Variants in SMU1 observed in about 807,000 individuals in gnomAD.
SMU1 encodes the protein WD40 repeat-containing protein SMU1.
In SMU1, 2 loss-of-function variants were observed where a neutral mutation model predicts 62.0. The ratio of observed to expected loss-of-function variants is 0.03; its 90% CI spans 0.01 to 0.10. The LOEUF (loss-of-function observed/expected upper bound fraction) is 0.10. Ranked by LOEUF, SMU1 falls within the 10% of genes least tolerant of loss-of-function variation. The probability of loss-of-function intolerance (pLI) is 1.00; values close to 1 mark genes in which losing one functional copy is unlikely to be tolerated. For synonymous variants in SMU1, 188 were observed against 212.4 expected (o/e 0.89, Z 1.00); for missense variants, 227 against 622.1 (o/e 0.36, Z 6.76).
intron 2 of SMU1, among the ~76,000 whole-genome samples, chr9:33,072,988 G>A (rs1839504696): frequency 1.3e-5 from 2 of 152,238 alleles, no homozygotes; most frequent in South Asian, 4.2e-4. Flanking sequence ...GGAGCTTCTT[G>A]GAATTTGACC....
intron 7 of SMU1, among the ~76,000 whole-genome samples, 168 bp downstream of exon 7, chr9:33,057,430 C>A (rs1273746075): frequency 1.3e-5 from 2 of 152,108 alleles, no homozygotes; most frequent in Non-Finnish European, 2.9e-5. Context: ...TATTGGATCA[C>A]CCAGACAGAG....
rs1456299736 is a variant in SMU1, at chr9:33,045,578, C to CT, written c.*1714dup. ...TAAATTACAAGGCTGGGCGCAGTGG[C>CT]TCATGCCTGTAATCCCAGCACTTTG... On this transcript the variant is annotated 3_prime_UTR_variant, in exon 12 of 12. Transcript: ENST00000397149. 3 of 152,458 alleles carry CT rather than the reference C, an allele frequency of 2.0e-5. No homozygotes were observed. The highest frequency in any genetic ancestry group is 1.3e-4 in the Admixed American group (2 of 15,294). 9.4% of individuals were successfully genotyped at this position (152,458 alleles called of 1,614,324 possible). A position where few individuals can be genotyped will look rare whatever the true frequency, so the allele number is the denominator to read the frequency against.
chr9:33,074,049 T>C lies in SMU1; in HGVS notation c.27-243A>G, dbSNP rs1288834755. 2.0e-5 allele frequency among the ~76,000 whole-genome samples: 3 copies of C among 152,252 alleles called. No homozygotes were observed. In the East Asian group the frequency reaches 5.8e-4, roughly 29 times the overall value. On this transcript the variant is annotated intron_variant, in intron 1 of 11. Coordinates refer to ENST00000397149, the MANE Select transcript of SMU1 (RefSeq NM_018225.3). The stretch of plus-strand genomic sequence containing the variant: ...CTCAGTCAGCTAGAAAGGGAGTTGG[T>C]GTCAAGGTGACTATCTTATTTCCTA...
chr9:33,064,426 T>C (rs909886068), intron 4 of SMU1, among the ~76,000 whole-genome samples: 1 of 152,222 alleles, frequency 6.6e-6, no homozygotes, highest in African/African-American at 2.4e-5. Flanking sequence ...TCTGAAATTA[T>C]GCTACATAAA....
chr9:33,057,316 G>T (rs982997124), intron 7 of SMU1, among the ~76,000 whole-genome samples: 10 of 152,060 alleles, frequency 6.6e-5, no homozygotes, highest in African/African-American at 2.4e-4. Context: ...TAGTTATTTT[G>T]ATTTTTATAC....
At chr9:33,055,083 A>G (rs895902808) in intron 9 of SMU1, among the ~76,000 whole-genome samples, 1 of 152,212 alleles carries the variant, frequency 6.6e-6, no homozygotes, top group South Asian at 2.1e-4. Flanking sequence ...CCAAGGGAGC[A>G]TACATCTCCT....
rs548579025 is a variant in SMU1, at chr9:33,057,801, G to A, written c.751-87C>T. On this transcript the variant is annotated intron_variant, in intron 6 of 11. Transcript: ENST00000397149. Reference sequence around the variant, plus strand: ...AAACTCACAAAAACCAGGGGCAATGGATTGTACCTACTCTAAACCCCCAAA... The same window carrying A: ...AAACTCACAAAAACCAGGGGCAATGAATTGTACCTACTCTAAACCCCCAAA... 1.7e-5 allele frequency: 26 copies of A among 1,551,880 alleles called. No homozygotes were observed. The East Asian group carries it at 5.2e-4, about 31-fold the overall frequency.
intron 3 of SMU1, among the ~76,000 whole-genome samples, chr9:33,069,704 A>G (rs950191338): frequency 6.6e-6 from 1 of 152,210 alleles, no homozygotes; most frequent in East Asian, 1.9e-4. Flanking sequence ...CGGGAGGCTG[A>G]GGCAGGAGAA....
intron 4 of SMU1, among the ~76,000 whole-genome samples, chr9:33,067,289 C>T (rs1839431942): frequency 1.2e-5 from 1 of 84,530 alleles, no homozygotes; most frequent in Non-Finnish European, 2.2e-5. Flanking sequence ...AAGTTAGTTG[C>T]TAATGACCAA....
chr9:33,059,021 T>A (rs916812174), intron 6 of SMU1, among the ~76,000 whole-genome samples: 3 of 152,030 alleles, frequency 2.0e-5, no homozygotes, highest in Non-Finnish European at 2.9e-5. Context: ...TAAAAAAAAA[T>A]TTGTGGCTTT....
intron 10 of SMU1, among the ~76,000 whole-genome samples, chr9:33,052,181 TAG>T (rs1839258020): frequency 6.6e-6 from 1 of 152,094 alleles, no homozygotes; most frequent in Non-Finnish European, 1.5e-5. Context: ...AGATCTGTAA[TAG>T]AGTTAATAAC....
At chr9:33,052,082 A>C (rs1839256994) in intron 10 of SMU1, among the ~76,000 whole-genome samples, 1 of 152,108 alleles carries the variant, frequency 6.6e-6, no homozygotes, top group South Asian at 2.1e-4. Context: ...CTATACATGT[A>C]ATGAAACTTT....
chr9:33,066,393 C>T (rs1207639955), intron 4 of SMU1, among the ~76,000 whole-genome samples: 1 of 150,186 alleles, frequency 6.7e-6, no homozygotes, highest in African/African-American at 2.5e-5. Context: ...AGTACTCCCA[C>T]AAAATGAGGG....
At chr9:33,060,292 C>G (rs990136974) in intron 6 of SMU1, among the ~76,000 whole-genome samples, 173 bp downstream of exon 6, 31 of 152,162 alleles carry the variant, frequency 2.0e-4, no homozygotes, top group African/African-American at 7.2e-4. Flanking sequence ...TAGCTAGGAC[C>G]ACAGGTGTGC....
rs139467273 is a variant in SMU1, at chr9:33,065,332, C to T, written c.502-3155G>A. Among the ~76,000 whole-genome samples, 8 of 152,202 alleles carry T rather than the reference C, an allele frequency of 5.3e-5. No homozygotes were observed. In the East Asian group the frequency reaches 1.2e-3, roughly 22 times the overall value. On this transcript the variant is annotated intron_variant, in intron 4 of 11. Transcript: ENST00000397149. ...ACTCAAACCAGAAACTAAAGGGAAA[C>T]GAAACCTAGAACCAAAACCTCACTT...
At chr9:33,054,196 A>G (rs1031511625) in intron 9 of SMU1, among the ~76,000 whole-genome samples, 4 of 151,288 alleles carry the variant, frequency 2.6e-5, no homozygotes, top group Admixed American at 6.6e-5. Context: ...TTTTTTAAAG[A>G]GATGAGATCT....
chr9:33,073,583 C>A lies in SMU1; in HGVS notation c.237+13G>T. Reference sequence around the variant, plus strand: ...AACCAACCCATGGGGATCAGCATCACCACCACTCTTACCTGTTCATAGAGG... The same window carrying A: ...AACCAACCCATGGGGATCAGCATCAACACCACTCTTACCTGTTCATAGAGG... On this transcript the variant is annotated intron_variant, in intron 2 of 11. Transcript: ENST00000397149. The A allele has an allele frequency of 6.2e-7, 1 of 1,604,928 alleles. No homozygotes were observed. Among genetic ancestry groups the A allele is most frequent in the East Asian group, 2.2e-5 (1 of 44,814 alleles).
intron 5 of SMU1, 69 bp from the exon 6 acceptor site, chr9:33,060,653 C>A (rs956341357): frequency 3.3e-5 from 52 of 1,587,846 alleles, no homozygotes; most frequent in Non-Finnish European, 3.9e-5. Context: ...CCTTTTTTAA[C>A]CTTTTGAGAA....
intron 2 of SMU1, among the ~76,000 whole-genome samples, chr9:33,072,342 T>C (rs1305585260): frequency 6.6e-6 from 1 of 151,962 alleles, no homozygotes; most frequent in African/African-American, 2.4e-5. Context: ...TCTCAATAAA[T>C]AAATAAATAA....
Sources: gnomAD v4.1 joint callset for allele counts (sites outside exome capture counted in the v4.1 genomes callset) on GRCh38, gnomAD v4.1.1 for gene constraint, MANE v1.5 for transcripts, NCBI Gene and HGNC (gene_info 2026-07-23, HGNC 2026-07-21) for gene names.